Variants in SLC35D4 observed in about 807,000 individuals in gnomAD.
SLC35D4 encodes solute carrier family 35 member D4, also known as UDP-N-acetylglucosamine transporter SLC35D4.
the SLC35D4 span, among the ~76,000 whole-genome samples, chr18:23,273,026 G>A: frequency 1.3e-5 from 2 of 152,212 alleles, no homozygotes; most frequent in Admixed American, 6.5e-5. Context: ...TGACACCGGT[G>A]AGCCGCAATC....
At chr18:23,393,654 G>T in the SLC35D4 span, among the ~76,000 whole-genome samples, 2 of 152,074 alleles carry the variant, frequency 1.3e-5, no homozygotes, top group Non-Finnish European at 2.9e-5. Context: ...CTCTTGCTCT[G>T]TTGCCCAGGC....
the SLC35D4 span, among the ~76,000 whole-genome samples, chr18:23,307,821 G>C: frequency 6.6e-6 from 1 of 152,132 alleles, no homozygotes; most frequent in African/African-American, 2.4e-5. Flanking sequence ...CCTACCTCCT[G>C]GGACTCTGAG....
At chr18:23,280,469 T>C in the SLC35D4 span, among the ~76,000 whole-genome samples, 1 of 152,248 alleles carries the variant, frequency 6.6e-6, no homozygotes, top group Non-Finnish European at 1.5e-5. Flanking sequence ...CTACCAGCCA[T>C]ATCTGTAATC....
At chr18:23,277,823 T>C in the SLC35D4 span, among the ~76,000 whole-genome samples, 2 of 152,092 alleles carry the variant, frequency 1.3e-5, no homozygotes, top group Admixed American at 6.6e-5. Flanking sequence ...CTTGCTAAAC[T>C]AGGTTGAGCA....
chr18:23,373,169 G>C, the SLC35D4 span, among the ~76,000 whole-genome samples: 1 of 152,068 alleles, frequency 6.6e-6, no homozygotes, highest in African/African-American at 2.4e-5. Context: ...CAAAAAATTA[G>C]CTGGGCATGG....
chr18:23,309,842 T>C, the SLC35D4 span: 1 of 1,183,298 alleles, frequency 8.5e-7, no homozygotes, highest in Non-Finnish European at 1.3e-6. Context: ...TGAGTTCGGA[T>C]GCCTGCCATC....
chr18:23,424,504 G>C, the SLC35D4 span, among the ~76,000 whole-genome samples: 1 of 152,152 alleles, frequency 6.6e-6, no homozygotes, highest in East Asian at 1.9e-4. Flanking sequence ...GGTGCATTCA[G>C]TCTGTCTCAT....
the SLC35D4 span, among the ~76,000 whole-genome samples, chr18:23,426,548 C>T: frequency 4.6e-5 from 7 of 152,166 alleles, no homozygotes; most frequent in Admixed American, 3.9e-4. Flanking sequence ...ATATTCCACG[C>T]TCATGGATAG....
the SLC35D4 span, among the ~76,000 whole-genome samples, chr18:23,405,380 G>A: frequency 6.6e-6 from 1 of 152,044 alleles, no homozygotes; most frequent in Non-Finnish European, 1.5e-5. Context: ...GTAGAGATGG[G>A]CGTTTCACCA....
At chr18:23,297,815 A>G in the SLC35D4 span, 1 of 603,492 alleles carries the variant, frequency 1.7e-6, no homozygotes, top group Admixed American at 2.8e-5. Context: ...TTGAAGCACC[A>G]GGGCCTCGGC....
chr18:23,265,502 T>C, the SLC35D4 span, among the ~76,000 whole-genome samples: 56 of 130,850 alleles, frequency 4.3e-4, no homozygotes, highest in Admixed American at 1.3e-3. Context: ...GTAGGAATCG[T>C]CCCCCCAAAG....
the SLC35D4 span, among the ~76,000 whole-genome samples, chr18:23,265,277 C>T: frequency 3.9e-5 from 6 of 152,082 alleles, no homozygotes; most frequent in African/African-American, 1.4e-4. Context: ...CCAGCCTCCA[C>T]CCCAGCCAAG....
At chr18:23,398,272 A>G in the SLC35D4 span, among the ~76,000 whole-genome samples, 2 of 152,222 alleles carry the variant, frequency 1.3e-5, no homozygotes, top group South Asian at 4.1e-4. Flanking sequence ...CTGTATGAAC[A>G]AAAAGTATTA....
chr18:23,248,469 C>G, the SLC35D4 span, among the ~76,000 whole-genome samples: 2 of 149,062 alleles, frequency 1.3e-5, no homozygotes, highest in Non-Finnish European at 3.0e-5. Context: ...TCACTTGGCC[C>G]AGGATTTAGC....
At chr18:23,298,999 C>A in the SLC35D4 span, among the ~76,000 whole-genome samples, 1 of 152,210 alleles carries the variant, frequency 6.6e-6, no homozygotes, top group Non-Finnish European at 1.5e-5. Flanking sequence ...ACGCTACATA[C>A]CCTGTGAAAA....
At chr18:23,326,136 A>G in the SLC35D4 span, among the ~76,000 whole-genome samples, 73 of 152,350 alleles carry the variant, frequency 4.8e-4, no homozygotes, top group East Asian at 0.013. Context: ...CTGACTGAGC[A>G]TGTGCTCAGG....
the SLC35D4 span, among the ~76,000 whole-genome samples, chr18:23,241,513 A>G: frequency 6.6e-6 from 1 of 152,170 alleles, no homozygotes; most frequent in Non-Finnish European, 1.5e-5. Flanking sequence ...CTGGGCGACA[A>G]GCGAAACTAC....
chr18:23,418,948 C>A, the SLC35D4 span, among the ~76,000 whole-genome samples: 1 of 151,594 alleles, frequency 6.6e-6, no homozygotes, highest in Non-Finnish European at 1.5e-5. Flanking sequence ...ACGGAGCTTG[C>A]AGTGAGCTGA....
the SLC35D4 span, among the ~76,000 whole-genome samples, chr18:23,372,391 C>T: frequency 9.2e-5 from 14 of 152,318 alleles, no homozygotes; most frequent in East Asian, 1.9e-3. Context: ...CTGCCCTCGC[C>T]TGCTTTCTTC....
Sources: allele counts gnomAD v4.1 joint callset (sites outside exome capture counted in the v4.1 genomes callset), GRCh38; gene constraint gnomAD v4.1.1; transcripts MANE v1.5; gene names NCBI Gene and HGNC (gene_info 2026-07-23, HGNC 2026-07-21).